Variants in PRKCE observed in about 807,000 individuals in gnomAD.
PRKCE encodes protein kinase C epsilon.
PRKCE carries 16 observed loss-of-function variants against 85.4 expected under a neutral mutation model. The observed-to-expected ratio is 0.19, with a 90% CI of 0.13 to 0.28. The LOEUF is 0.28. PRKCE is among the 10% of genes least tolerant of loss of function. The pLI is 1.00. For missense variants in PRKCE, 573 were observed against 975.2 expected, an observed-to-expected ratio of 0.59 and a Z score of 5.49; for synonymous variants, 388 against 371.5, an observed-to-expected ratio of 1.04 and a Z score of -0.51.
At chr2:45,941,288 T>A (rs1343256689) in intron 2 of PRKCE, among the ~76,000 whole-genome samples, 1 of 152,124 alleles carries the variant, frequency 6.6e-6, no homozygotes, top group East Asian at 1.9e-4. Flanking sequence ...ATGTGGTGCA[T>A]GTGCAGTGAC....
At chr2:46,039,217 A>G (rs538443603) in intron 10 of PRKCE, among the ~76,000 whole-genome samples, 4 of 152,220 alleles carry the variant, frequency 2.6e-5, no homozygotes, top group Non-Finnish European at 5.9e-5. Flanking sequence ...TACATGACAC[A>G]CATGATTTGC....
chr2:46,162,096 T>C (rs1212173528), intron 14 of PRKCE, among the ~76,000 whole-genome samples: 3 of 152,160 alleles, frequency 2.0e-5, no homozygotes, highest in Admixed American at 2.0e-4. Flanking sequence ...AGGGAGCCCC[T>C]TAAAGCTCTC....
intron 11 of PRKCE, among the ~76,000 whole-genome samples, chr2:46,134,890 G>T (rs1337277406): frequency 6.6e-6 from 1 of 152,174 alleles, no homozygotes; most frequent in Non-Finnish European, 1.5e-5. Flanking sequence ...CCCTCAGCAG[G>T]GATCAGGATT....
At chr2:45,824,417 C>T (rs764897308) in intron 1 of PRKCE, among the ~76,000 whole-genome samples, 3 of 152,230 alleles carry the variant, frequency 2.0e-5, no homozygotes, top group East Asian at 1.9e-4. Flanking sequence ...GGAAGCAGCT[C>T]GGGGAGTCTC....
intron 10 of PRKCE, among the ~76,000 whole-genome samples, chr2:46,071,646 G>A (rs1341660987): frequency 6.6e-6 from 1 of 152,100 alleles, no homozygotes; most frequent in African/African-American, 2.4e-5. Flanking sequence ...GCCCAAACAG[G>A]GACTGACTAC....
At chr2:45,958,775 C>T (rs1276675768) in intron 2 of PRKCE, among the ~76,000 whole-genome samples, 1 of 96,598 alleles carries the variant, frequency 1.0e-5, no homozygotes, top group African/African-American at 3.8e-5. Context: ...TTTTTCCCTT[C>T]CTCTGGCCTT....
intron 2 of PRKCE, among the ~76,000 whole-genome samples, chr2:45,908,853 A>C (rs1697176959): frequency 6.6e-6 from 1 of 152,132 alleles, no homozygotes; most frequent in Admixed American, 6.5e-5. Flanking sequence ...ATGGGGGCAG[A>C]CAGGCTGTAC....
rs1401260070 is a variant in PRKCE at position 46,187,222 on chromosome 2, C to T, written c.*2341C>T. The T allele has an allele frequency of 6.6e-6, 1 of 152,650 alleles. No individual in the cohort carries two copies. Among genetic ancestry groups the T allele is most frequent in the Admixed American group, 6.5e-5 (1 of 15,292 alleles). The allele number at this position is 152,650 out of a possible 1,614,324, so 9.5% of individuals were successfully genotyped here. On this transcript the variant is annotated 3_prime_UTR_variant, in exon 15 of 15. Coordinates refer to ENST00000306156, the MANE Select transcript of PRKCE (RefSeq NM_005400.3). ...GTCCGAGGGCCTAGTGTTTGCACGG[C>T]AGTGGGAACTGGGCCTTTCCTACAG...
intron 10 of PRKCE, among the ~76,000 whole-genome samples, chr2:46,012,653 G>T (rs1417132654): frequency 1.3e-5 from 2 of 152,204 alleles, no homozygotes; most frequent in Non-Finnish European, 2.9e-5. Context: ...GAGGGGTCCA[G>T]TTTAGTTGTG....
intron 11 of PRKCE, among the ~76,000 whole-genome samples, chr2:46,107,285 C>A (rs1671822776): frequency 6.6e-6 from 1 of 152,200 alleles, no homozygotes; most frequent in African/African-American, 2.4e-5. Flanking sequence ...TTTCACCTGG[C>A]AATATGCACT....
At chr2:45,739,749 G>A (rs527791445) in intron 1 of PRKCE, among the ~76,000 whole-genome samples, 272 of 152,150 alleles carry the variant, frequency 1.8e-3, no homozygotes, top group Non-Finnish European at 3.1e-3. Flanking sequence ...GGCATGAACT[G>A]TTTAGATCTT....
At chr2:45,884,431 G>C (rs1251829954) in intron 2 of PRKCE, among the ~76,000 whole-genome samples, 1 of 152,204 alleles carries the variant, frequency 6.6e-6, no homozygotes, top group Non-Finnish European at 1.5e-5. Flanking sequence ...TTCAAGACCA[G>C]ATCTCCCTGT....
intron 1 of PRKCE, among the ~76,000 whole-genome samples, chr2:45,664,272 C>T (rs1432673957): frequency 2.0e-5 from 3 of 152,058 alleles, no homozygotes; most frequent in Non-Finnish European, 4.4e-5. Flanking sequence ...TGGAGTTAGT[C>T]CTCGGTTTGA....
chr2:46,135,756 T>TTTTTTTTTTTTTC (rs1674922914), intron 11 of PRKCE, among the ~76,000 whole-genome samples: 1 of 120,546 alleles, frequency 8.3e-6, no homozygotes. Flanking sequence ...CTTTTTTTTT[T>TTTTTTTTTTTTTC]TTTTTTTTTT....
At chr2:45,871,316 G>T (rs989150577) in intron 2 of PRKCE, among the ~76,000 whole-genome samples, 10 of 152,196 alleles carry the variant, frequency 6.6e-5, no homozygotes, top group African/African-American at 2.4e-4. Context: ...GTTCACACGT[G>T]CAATTGCAGT....
chr2:45,796,112 C>T (rs547154880), intron 1 of PRKCE, among the ~76,000 whole-genome samples: 8 of 152,344 alleles, frequency 5.3e-5, no homozygotes, highest in African/African-American at 1.9e-4. Context: ...CCCTTCCCTG[C>T]TCTACTTGCT....
intron 1 of PRKCE, among the ~76,000 whole-genome samples, chr2:45,750,899 A>T (rs1683504771): frequency 6.6e-6 from 1 of 151,974 alleles, no homozygotes; most frequent in Non-Finnish European, 1.5e-5. Flanking sequence ...CTTCCTGTCT[A>T]CCCTTGCAGC....
chr2:45,844,074 G>GT (rs1691581776), intron 2 of PRKCE, among the ~76,000 whole-genome samples: 1 of 152,214 alleles, frequency 6.6e-6, no homozygotes, highest in South Asian at 2.1e-4. Context: ...ACAGTCTCTA[G>GT]TTTAAGGCTC....
chr2:45,825,118 G>A (rs1273071010), intron 1 of PRKCE, among the ~76,000 whole-genome samples: 1 of 152,184 alleles, frequency 6.6e-6, no homozygotes, highest in East Asian at 1.9e-4. Context: ...AGAACTAGTA[G>A]CCTTCATAAC....
Sources: gnomAD v4.1 joint callset for allele counts (sites outside exome capture counted in the v4.1 genomes callset) on GRCh38, gnomAD v4.1.1 for gene constraint, MANE v1.5 for transcripts, NCBI Gene and HGNC (gene_info 2026-07-23, HGNC 2026-07-21) for gene names.